The following LATS1 variants were observed in gnomAD, a reference collection of about 807,000 sequenced individuals.
The protein encoded by LATS1 is serine/threonine-protein kinase LATS1.
Under a neutral mutation model 106.6 loss-of-function variants are expected in LATS1, and 25 were observed. The ratio of observed to expected loss-of-function variants is 0.23; its 90% confidence interval spans 0.17 to 0.33. The LOEUF (loss-of-function observed/expected upper bound fraction) is 0.33. Among genes scored for constraint, LATS1 ranks in the 10% least tolerant of loss-of-function variants. LATS1 has a pLI of 1.00. For synonymous variants in LATS1, 465 were observed against 455.6 expected (o/e 1.02, Z -0.26); for missense variants, 1,040 against 1,382.6 (o/e 0.75, Z 3.93).
chr6:149,708,532 T>C (rs1015073888), intron 1 of LATS1, among the ~76,000 whole-genome samples: 2 of 152,186 alleles, frequency 1.3e-5, no homozygotes, highest in African/African-American at 4.8e-5. Flanking sequence ...AAATATATTC[T>C]GGCAGAGACT....
At position 149,679,863 on chromosome 6, in the gene LATS1, G is replaced by A. The variant is rs1781942881; in HGVS notation, c.2593+12C>T. On this transcript the variant is annotated intron_variant, in intron 5 of 7. Transcript: ENST00000543571. ...ATGAACAAACTAAAATAAATTTTAT[G>A]AGTTTACTTACCACTCTGATAGTAC... is the stretch of plus-strand genomic sequence containing the variant. The A allele has an allele frequency of 6.6e-7, 1 of 1,508,484 alleles. No individual in the cohort carries two copies. Among genetic ancestry groups the A allele is most frequent in the Non-Finnish European group, 8.9e-7 (1 of 1,117,930 alleles). The allele number at this position is 1,508,484 out of a possible 1,614,324, so 93.4% of individuals were successfully genotyped here. A position where few individuals can be genotyped will look rare whatever the true frequency, so the allele number is the denominator to read the frequency against.
At chr6:149,708,779 G>C (rs1387544248) in intron 1 of LATS1, among the ~76,000 whole-genome samples, 1 of 152,192 alleles carries the variant, frequency 6.6e-6, no homozygotes, top group Non-Finnish European at 1.5e-5. Context: ...CTGAGCAAGA[G>C]AAACATTTCT....
rs1186262447 is a variant in LATS1 at position 149,679,951 on chromosome 6, A to G, written c.2517T>C (p.Asp839=). The change falls in exon 5 of 8, where the codon GAT becomes GAC. Residue 839 remains aspartate (D), a synonymous_variant. Transcript: ENST00000543571. ...IKPDNILIDR[D]GHIKLTDFGL... ...CAAAGTCAGTCAATTTAATATGACC[A>G]TCACGATCAATCAAAATATTATCAG... The G allele has an allele frequency of 1.2e-6, 2 of 1,614,098 alleles. No individual in the cohort carries two copies. The highest frequency in any genetic ancestry group is 1.1e-5 in the South Asian group (1 of 91,076).
intron 1 of LATS1, among the ~76,000 whole-genome samples, chr6:149,710,079 T>C (rs1443534561): frequency 1.3e-5 from 2 of 152,200 alleles, no homozygotes; most frequent in Non-Finnish European, 2.9e-5. Flanking sequence ...TGAATCTACC[T>C]ATGACCTGGA....
chr6:149,698,037 G>A (rs1355818036), intron 2 of LATS1, among the ~76,000 whole-genome samples: 1 of 152,084 alleles, frequency 6.6e-6, no homozygotes, highest in African/African-American at 2.4e-5. Context: ...ACCACACCCG[G>A]CCCATATTCT....
Position 149,695,236 on chromosome 6 carries a change from A to C in LATS1, c.349-15T>G, listed in dbSNP as rs772658860. 9 of 1,542,206 alleles carry C rather than the reference A, an allele frequency of 5.8e-6. No individual in the cohort carries two copies. The African/African-American group carries it at 7.0e-5, about 12-fold the overall frequency. Reference sequence around the variant, plus strand: ...ATAACCATATCCTGATATGAATTGAAGTTTAAAAAAAAAGAAACAAAATTT... The same window carrying C: ...ATAACCATATCCTGATATGAATTGACGTTTAAAAAAAAAGAAACAAAATTT... On this transcript the variant is annotated splice_polypyrimidine_tract_variant and intron_variant, in intron 2 of 7. Transcript: ENST00000543571.
chr6:149,679,843 C>T, intron 5 of LATS1, 32 bp downstream of exon 5: 1 of 1,417,058 alleles, frequency 7.1e-7, no homozygotes, highest in Non-Finnish European at 9.6e-7. Flanking sequence ...TTATTATGAA[C>T]AAACTAAAAT....
At position 149,658,592 on chromosome 6, in the gene LATS1, T is replaced by C. The variant is rs1436381128; in HGVS notation, c.*3137A>G. ...ACCTTGGGTAACAGCAGCAGCAATG[T>C]CTAAAAATCCTCCCACTGTATTCTC... On this transcript the variant is annotated 3_prime_UTR_variant, in exon 8 of 8. Transcript: ENST00000543571. 6.6e-6 allele frequency: 1 copy of C among 152,214 alleles called. No individual in the cohort carries two copies. The highest frequency in any genetic ancestry group is 1.5e-5 in the Non-Finnish European group (1 of 68,028). The allele number at this position is 152,214 out of a possible 1,614,324, so 9.4% of individuals were successfully genotyped here.
chr6:149,692,508 T>A (rs999222109), intron 3 of LATS1, among the ~76,000 whole-genome samples: 1 of 152,150 alleles, frequency 6.6e-6, no homozygotes, highest in Non-Finnish European at 1.5e-5. Context: ...TAATTCTACA[T>A]GTATCTGGGT....
At chr6:149,700,675 G>A (rs1163107304) in intron 2 of LATS1, among the ~76,000 whole-genome samples, 5 of 152,116 alleles carry the variant, frequency 3.3e-5, no homozygotes, top group African/African-American at 9.7e-5. Flanking sequence ...TCTTTATACA[G>A]TGAAGCTAAA....
intron 4 of LATS1, among the ~76,000 whole-genome samples, chr6:149,682,167 T>C (rs1047106596): frequency 3.3e-5 from 5 of 151,846 alleles, no homozygotes; most frequent in Non-Finnish European, 7.4e-5. Flanking sequence ...CTATGTGGAA[T>C]GACAACACAG....
intron 1 of LATS1, among the ~76,000 whole-genome samples, chr6:149,713,992 T>G (rs1313712780): frequency 6.6e-6 from 1 of 151,874 alleles, no homozygotes; most frequent in East Asian, 1.9e-4. Flanking sequence ...ATTACTTTTT[T>G]TTTTTTGTGA....
chr6:149,682,437 G>T (rs1403594093), intron 4 of LATS1, among the ~76,000 whole-genome samples: 1 of 144,406 alleles, frequency 6.9e-6, no homozygotes, highest in South Asian at 2.2e-4. Context: ...TTTTTGAGAC[G>T]GAGTCTCACT....
rs1251548182 is a variant in LATS1, at chr6:149,680,247, C to T, written c.2221G>A (p.Val741Ile). 2 of 1,614,036 alleles carry T rather than the reference C, an allele frequency of 1.2e-6. No individual in the cohort carries two copies. Among genetic ancestry groups the T allele is most frequent in the Admixed American group, 1.7e-5 (1 of 60,016 alleles). The change falls in exon 5 of 8, where the codon GTT (valine) becomes ATT (isoleucine). Residue 741 changes from valine to isoleucine, a missense_variant. This residue lies in a region of LATS1 where 167 missense variants were observed against 332.1 expected (regional missense o/e 0.50). Transcript: ENST00000543571. ...TGAGCGACTTGATTTCGAAGAAGAA[C>T]ATCTTTCTTTCGAAGAGTTTTTGTT... ...YATKTLRKKD[V>I]LLRNQVAHVK...
At position 149,659,904 on chromosome 6, in the gene LATS1, T is replaced by C. The variant is rs1780825937; in HGVS notation, c.*1825A>G. ...ACATTTCAGTCCCCTCCAAATGATA[T>C]ATTAAAACAACTTAATGTACCAGCA... On this transcript the variant is annotated 3_prime_UTR_variant, in exon 8 of 8. Coordinates refer to ENST00000543571, the MANE Select transcript of LATS1 (RefSeq NM_004690.4). The C allele has an allele frequency of 4.4e-6, 1 of 229,232 alleles. No individual in the cohort carries two copies. The highest frequency in any genetic ancestry group is 6.3e-5 in the East Asian group (1 of 15,892). The allele number at this position is 229,232 out of a possible 1,614,324, so 14.2% of individuals were successfully genotyped here.
At chr6:149,696,040 G>C (rs1783043869) in intron 2 of LATS1, among the ~76,000 whole-genome samples, 2 of 151,438 alleles carry the variant, frequency 1.3e-5, no homozygotes, top group Non-Finnish European at 2.9e-5. Flanking sequence ...CAAGTAGCTG[G>C]GATTACAGGC....
At chr6:149,675,392 T>C (rs1048388746) in intron 7 of LATS1, among the ~76,000 whole-genome samples, 2 of 151,972 alleles carry the variant, frequency 1.3e-5, no homozygotes, top group Admixed American at 6.6e-5. Context: ...AATCAGACAG[T>C]GTATGGTCAA....
At chr6:149,669,087 C>T (rs778891203) in intron 7 of LATS1, among the ~76,000 whole-genome samples, 14 of 151,780 alleles carry the variant, frequency 9.2e-5, no homozygotes, top group Non-Finnish European at 1.5e-4. Context: ...CCTTCCAAAG[C>T]GCTGGGATTA....
chr6:149,674,004 A>G (rs1314061908), intron 7 of LATS1, among the ~76,000 whole-genome samples: 3 of 151,464 alleles, frequency 2.0e-5, no homozygotes, highest in African/African-American at 7.3e-5. Flanking sequence ...ATTAAATGCA[A>G]TGACTGAAGA....
Sources: allele counts gnomAD v4.1 joint callset (sites outside exome capture counted in the v4.1 genomes callset), GRCh38; gene constraint gnomAD v4.1.1; regional missense constraint gnomAD v4.1.1; transcripts MANE v1.5; gene names NCBI Gene and HGNC (gene_info 2026-07-23, HGNC 2026-07-21).